The following ADGRB2 variants were observed in gnomAD, a reference collection of about 807,000 sequenced individuals.
ADGRB2 encodes brain-specific angiogenesis inhibitor 2.
Under a neutral mutation model 178.7 loss-of-function variants are expected in ADGRB2, and 47 were observed. That is an observed-to-expected ratio of 0.26 (90% CI 0.21 to 0.34). The LOEUF is 0.34. Ranked by LOEUF, ADGRB2 falls within the 10% of genes least tolerant of loss-of-function variation. The probability of loss-of-function intolerance (pLI) is 1.00; values close to 1 mark genes in which losing one functional copy is unlikely to be tolerated. For synonymous variants in ADGRB2, 870 were observed against 912.4 expected (o/e 0.95, Z 0.84); for missense variants, 1,584 against 2,180.8 (o/e 0.73, Z 5.45).
intron 1 of ADGRB2, among the ~76,000 whole-genome samples, chr1:31,763,214 G>A (rs1647096693): frequency 6.6e-6 from 1 of 151,004 alleles, no homozygotes; most frequent in South Asian, 2.1e-4. Context: ...GCAGACACGG[G>A]GGACACGGCC....
Position 31,753,788 on chromosome 1 carries a change from T to C in ADGRB2, c.838+2211A>G, listed in dbSNP as rs929774463. On this transcript the variant is annotated intron_variant, in intron 4 of 32. Coordinates refer to ENST00000373658, the MANE Select transcript of ADGRB2 (RefSeq NM_001364857.2). The surrounding 1 kb of genome is among the most constrained non-coding windows in gnomAD (Gnocchi z 4.1). ...AACAAACAGTCATGTGCCCGCTATG[T>C]CTCACACCAGAAAGGTTGGGCAGGA... is the stretch of plus-strand genomic sequence containing the variant. Among the ~76,000 whole-genome samples the C allele has an allele frequency of 1.3e-5, 2 of 152,122 alleles. No homozygotes were observed. The highest frequency in any genetic ancestry group is 2.4e-5 in the African/African-American group (1 of 41,408).
Position 31,735,134 on chromosome 1 carries a change from AT to A in ADGRB2, c.3452+48del. The A allele has an allele frequency of 1.1e-6, 1 of 888,086 alleles. No homozygotes were observed. The highest frequency in any genetic ancestry group is 1.6e-6 in the Non-Finnish European group (1 of 636,354). The allele number at this position is 888,086 out of a possible 1,614,324, so 55.0% of individuals were successfully genotyped here. On this transcript the variant is annotated intron_variant, in intron 25 of 32. Transcript: ENST00000373658. This position sits in a 1 kb window ranked among gnomAD's most constrained non-coding sequence, Gnocchi z 6.0. The stretch of plus-strand genomic sequence containing the variant: ...CCCACCATGGGCACTGCCCCCCCCA[AT>A]TCCTTTGCCCCACCCACCCCCACCG...
intron 4 of ADGRB2, among the ~76,000 whole-genome samples, chr1:31,751,600 G>A (rs1234577736): frequency 6.6e-6 from 1 of 152,148 alleles, no homozygotes; most frequent in East Asian, 1.9e-4. Context: ...TAATAACGGC[G>A]CTTTGTTTTC....
rs199605095 is a variant in ADGRB2 at position 31,756,217 on chromosome 1, T to C, written c.620A>G (p.Glu207Gly). The C allele has an allele frequency of 6.2e-7, 1 of 1,613,588 alleles. No individual in the cohort carries two copies. The highest frequency in any genetic ancestry group is 8.5e-7 in the Non-Finnish European group (1 of 1,179,926). ...GGCCCTGCCGGCAGCGCGGCCACAC[T>C]CCTCACTCCAGCGGCAGAGCACACC... is the stretch of plus-strand genomic sequence containing the variant. ...TCGVLCRWSE[E>G]CGRAAGRACG... The change falls in exon 4 of 33, where the codon GAG (glutamate) becomes GGG (glycine). Residue 207 changes from glutamate (E) to glycine (G), a missense_variant. Physicochemically the swap from Glu to Gly is moderately conservative, Grantham distance 98. Around this residue, in one of 3 missense-constraint regions of ADGRB2, gnomAD observed 657 missense variants for 847.6 expected, o/e 0.78. Transcript: ENST00000373658. The surrounding 1 kb of genome is among the most constrained non-coding windows in gnomAD (Gnocchi z 8.5).
intron 28 of ADGRB2, 24 bp from the exon 29 acceptor site, chr1:31,731,443 G>A (rs367898318): frequency 3.8e-6 from 6 of 1,560,988 alleles, no homozygotes; most frequent in South Asian, 1.2e-5. Flanking sequence ...TGGGAGGGAG[G>A]GGGTGAGTCC....
chr1:31,748,008 G>A (rs891377867), intron 4 of ADGRB2, among the ~76,000 whole-genome samples: 1 of 152,178 alleles, frequency 6.6e-6, no homozygotes, highest in African/African-American at 2.4e-5. Context: ...CCTGCCCATC[G>A]TCGTGTCTGG....
intron 18 of ADGRB2, 60 bp downstream of exon 18, chr1:31,738,140 G>T: frequency 5.0e-6 from 8 of 1,593,366 alleles, no homozygotes; most frequent in Non-Finnish European, 6.9e-6. Context: ...CATCACTGAT[G>T]GCTGCTGGAA....
chr1:31,745,393 CAGG>C (rs1393276769), intron 4 of ADGRB2, among the ~76,000 whole-genome samples: 1 of 152,234 alleles, frequency 6.6e-6, no homozygotes, highest in African/African-American at 2.4e-5. Flanking sequence ...GCCCTGAGGC[CAGG>C]AGAACAGCAG....
chr1:31,738,935 G>T lies in ADGRB2; in HGVS notation c.2498C>A (p.Pro833His), dbSNP rs777293623. ...TLGLILPPPRPPLAVTSRVMT... is the reference protein window; with the variant it reads ...TLGLILPPPRHPLAVTSRVMT... ...CACCCGGGATGTGACGGCCAGCGGGGGCCTGCGGGACAGGTACCGAAGTCA... is the reference window on the plus strand; with the variant it reads ...CACCCGGGATGTGACGGCCAGCGGGTGCCTGCGGGACAGGTACCGAAGTCA... The change falls in exon 16 of 33, where the codon CCC (proline) becomes CAC (histidine). Residue 833 changes from proline (P) to histidine (H), a missense_variant and splice_region_variant. By Grantham distance (77) the Pro-to-His change is moderately conservative (BLOSUM62 -2). Around this residue, in one of 3 missense-constraint regions of ADGRB2, gnomAD observed 865 missense variants for 1,192.8 expected, o/e 0.73. Transcript: ENST00000373658. 6.8e-6 allele frequency: 11 copies of T among 1,608,588 alleles called. No homozygotes were observed. The South Asian group carries it at 1.2e-4, about 18-fold the overall frequency.
chr1:31,749,419 G>T (rs183669800), intron 4 of ADGRB2, among the ~76,000 whole-genome samples: 32 of 152,358 alleles, frequency 2.1e-4, no homozygotes, highest in Admixed American at 1.6e-3. Flanking sequence ...AAAGGGCACA[G>T]ATTCTAGAGC....
chr1:31,744,803 C>G lies in ADGRB2; in HGVS notation c.839-72G>C. Reference sequence around the variant, plus strand: ...TTCTGTTACAGTGGCACAGTGAAGGCAGCCTTCCTTGCCCTCCGCCTGAGG... The same window carrying G: ...TTCTGTTACAGTGGCACAGTGAAGGGAGCCTTCCTTGCCCTCCGCCTGAGG... On this transcript the variant is annotated intron_variant, in intron 4 of 32. Coordinates refer to ENST00000373658, the MANE Select transcript of ADGRB2 (RefSeq NM_001364857.2). This position sits in a 1 kb window ranked among gnomAD's most constrained non-coding sequence, Gnocchi z 6.7. The G allele has an allele frequency of 6.6e-7, 1 of 1,515,496 alleles. No individual in the cohort carries two copies. The highest frequency in any genetic ancestry group is 1.1e-5 in the South Asian group (1 of 88,074). 93.9% of individuals were successfully genotyped at this position (1,515,496 alleles called of 1,614,324 possible). A position where few individuals can be genotyped will look rare whatever the true frequency, so the allele number is the denominator to read the frequency against.
chr1:31,738,959 C>G lies in ADGRB2; in HGVS notation c.2496-22G>C. ...GGGCCTGCGGGACAGGTACCGAAGT[C>G]AGCTCCTGCCAGCGGGTGCCAGCCC... On this transcript the variant is annotated intron_variant, in intron 15 of 32. Coordinates refer to ENST00000373658, the MANE Select transcript of ADGRB2 (RefSeq NM_001364857.2). 3 of 1,571,590 alleles carry G rather than the reference C, an allele frequency of 1.9e-6. No individual in the cohort carries two copies. The South Asian group carries it at 3.4e-5, about 18-fold the overall frequency.
Position 31,759,373 on chromosome 1 carries a change from G to T in ADGRB2, c.-190-1862C>A. On this transcript the variant is annotated intron_variant, in intron 1 of 32. Transcript: ENST00000373658. The surrounding 1 kb of genome is among the most constrained non-coding windows in gnomAD (Gnocchi z 4.3). ...CATATGACAGCTAAGTGTCAGGCAG[G>T]ATCCTCTGCGGGGTCTTCCTTTGCA... is the stretch of plus-strand genomic sequence containing the variant. 1.3e-6 allele frequency: 1 copy of T among 779,682 alleles called. No homozygotes were observed. The highest frequency in any genetic ancestry group is 1.7e-5 in the Admixed American group (1 of 59,028). The allele number at this position is 779,682 out of a possible 1,614,324, so 48.3% of individuals were successfully genotyped here.
chr1:31,744,185 G>A lies in ADGRB2; in HGVS notation c.1087+8C>T, dbSNP rs1472533355. The A allele has an allele frequency of 1.1e-5, 17 of 1,519,252 alleles. No individual in the cohort carries two copies. The highest frequency in any genetic ancestry group is 1.5e-5 in the Non-Finnish European group (17 of 1,128,034). The allele number at this position is 1,519,252 out of a possible 1,614,324, so 94.1% of individuals were successfully genotyped here. ...AGGCAGGTGGGGTGGGGAGGAGGAT[G>A]GGCCTACCTGGGCAGGTGGCTGAAT... is the stretch of plus-strand genomic sequence containing the variant. On this transcript the variant is annotated splice_region_variant and intron_variant, in intron 6 of 32. Transcript: ENST00000373658. The surrounding 1 kb of genome is among the most constrained non-coding windows in gnomAD (Gnocchi z 6.7).
In ADGRB2 at chr1:31,742,977, C is replaced by A. The variant is rs373381415; in HGVS notation, c.1113G>T (p.Gly371=). 7.1e-5 allele frequency: 109 copies of A among 1,526,254 alleles called. No homozygotes were observed. In the African/African-American group the frequency reaches 1.4e-3, roughly 20 times the overall value. 94.5% of individuals were successfully genotyped at this position (1,526,254 alleles called of 1,614,324 possible). ...AGCTGCGGGAGCACAGGCTCCAGGACCCCCACTCCTCCCACACGCCGTGCA... is the reference window on the plus strand; with the variant it reads ...AGCTGCGGGAGCACAGGCTCCAGGAACCCCACTCCTCCCACACGCCGTGCA... ...CPVHGVWEEW[G]SWSLCSRSCG... The change falls in exon 7 of 33, where the codon GGG becomes GGT. Residue 371 remains glycine, a synonymous_variant. Transcript: ENST00000373658.
In ADGRB2 at chr1:31,728,404, C is replaced by A; in HGVS notation, c.4417-124G>T. The A allele has an allele frequency of 3.3e-6, 4 of 1,229,008 alleles. No individual in the cohort carries two copies. Among genetic ancestry groups the A allele is most frequent in the Non-Finnish European group, 3.5e-6 (3 of 856,884 alleles). The allele number at this position is 1,229,008 out of a possible 1,614,324, so 76.1% of individuals were successfully genotyped here. Reference sequence around the variant, plus strand: ...TGCTGCCAGCCCCTCTGGGACAAGACCTAGTTCTCTCTTCACGTTGGTGCT... The same window carrying A: ...TGCTGCCAGCCCCTCTGGGACAAGAACTAGTTCTCTCTTCACGTTGGTGCT... On this transcript the variant is annotated intron_variant, in intron 30 of 32. Coordinates refer to ENST00000373658, the MANE Select transcript of ADGRB2 (RefSeq NM_001364857.2). This position sits in a 1 kb window ranked among gnomAD's most constrained non-coding sequence, Gnocchi z 6.7.
chr1:31,749,405 G>A (rs1646443794), intron 4 of ADGRB2, among the ~76,000 whole-genome samples: 1 of 152,242 alleles, frequency 6.6e-6, no homozygotes, highest in African/African-American at 2.4e-5. Context: ...ATATGGACCT[G>A]TGGAAAGGGC....
chr1:31,763,536 G>C (rs962693199), intron 1 of ADGRB2, among the ~76,000 whole-genome samples: 29 of 150,656 alleles, frequency 1.9e-4, no homozygotes, highest in African/African-American at 5.9e-4. Flanking sequence ...ACACTGCCCG[G>C]ATCCAGGCCG....
At chr1:31,738,053 G>A in intron 18 of ADGRB2, 147 bp downstream of exon 18, 1 of 1,259,992 alleles carries the variant, frequency 7.9e-7, no homozygotes, top group Non-Finnish European at 1.1e-6. Context: ...CAATCCCAGG[G>A]GCACAGACAT....
Sources: gnomAD v4.1 joint callset for allele counts (sites outside exome capture counted in the v4.1 genomes callset) on GRCh38, gnomAD v4.1.1 for gene constraint, gnomAD v4.1.1 regional missense constraint, Gnocchi (gnomAD v3.1) non-coding constraint, MANE v1.5 for transcripts, NCBI Gene and HGNC (gene_info 2026-07-23, HGNC 2026-07-21) for gene names.